Variants in PSTPIP1 observed in about 807,000 individuals in gnomAD.
PSTPIP1 encodes the protein proline-serine-threonine phosphatase-interacting protein 1.
In PSTPIP1, 66 loss-of-function variants were observed where a neutral mutation model predicts 69.6. The ratio of observed to expected loss-of-function variants is 0.95; its 90% CI spans 0.78 to 1.16. The LOEUF (loss-of-function observed/expected upper bound fraction) is 1.16. PSTPIP1 is among the 50% of genes most tolerant of loss of function. The pLI is 0.00. For synonymous variants in PSTPIP1, 266 were observed against 222.7 expected, an observed-to-expected ratio of 1.19 and a Z score of -1.73; for missense variants, 603 against 557.4, an observed-to-expected ratio of 1.08 and a Z score of -0.82.
At position 77,032,961 on chromosome 15, in the gene PSTPIP1, C is replaced by T. The variant is rs1284155822; in HGVS notation, c.929+9C>T. 1 of 1,590,878 alleles carries T rather than the reference C, an allele frequency of 6.3e-7. No individual in the cohort carries two copies. Among genetic ancestry groups the T allele is most frequent in the Non-Finnish European group, 8.6e-7 (1 of 1,168,880 alleles). ...TGCGGCATGATAAAGAGGTGAGGCCCCGACAGACGGAGGGAGGGCCTAAGG... is the reference window on the plus strand; with the variant it reads ...TGCGGCATGATAAAGAGGTGAGGCCTCGACAGACGGAGGGAGGGCCTAAGG... On this transcript the variant is annotated intron_variant, in intron 12 of 14. Transcript: ENST00000558012.
At chr15:77,029,700 A>G (rs1596118140) in intron 8 of PSTPIP1, 126 bp downstream of exon 8, 1 of 1,104,622 alleles carries the variant, frequency 9.1e-7, no homozygotes, top group Non-Finnish European at 1.3e-6. Flanking sequence ...CGGCGCTCTC[A>G]TTCCAGATAT....
rs999765828 is a variant in PSTPIP1 at position 77,036,024 on chromosome 15, C to G, written c.1119+89C>G. The G allele has an allele frequency of 9.8e-6, 14 of 1,427,838 alleles. No homozygotes were observed. In the African/African-American group the frequency reaches 2.0e-4, roughly 21 times the overall value. The allele number at this position is 1,427,838 out of a possible 1,614,324, so 88.4% of individuals were successfully genotyped here. ...CATCCAGTGCCTTGCGTCCTCATCT[C>G]TCCTCATGGTTTCACTCATCTTCGA... On this transcript the variant is annotated intron_variant, in intron 14 of 14. Transcript: ENST00000558012.
intron 3 of PSTPIP1, among the ~76,000 whole-genome samples, chr15:77,021,734 C>T (rs1179624051): frequency 6.6e-6 from 1 of 152,202 alleles, no homozygotes; most frequent in Non-Finnish European, 1.5e-5. Flanking sequence ...GCTGACATCA[C>T]ATGTCCAGCC....
In PSTPIP1 at chr15:77,025,624, C is replaced by T. The variant is rs184279306; in HGVS notation, c.354+20C>T. On this transcript the variant is annotated intron_variant, in intron 5 of 14. Transcript: ENST00000558012. ...AAGAAGGTGAGGCAGGTGCAGGGGG[C>T]GGGGGAGCTGCTCCCCCATTGCCAG... The T allele has an allele frequency of 5.5e-3, 7,707 of 1,406,326 alleles. 55 individuals carry two copies. The highest frequency in any genetic ancestry group is 0.035 in the Admixed American group (1,660 of 46,932). The allele number at this position is 1,406,326 out of a possible 1,614,324, so 87.1% of individuals were successfully genotyped here.
rs532474791 is a variant in PSTPIP1 at position 77,030,665 on chromosome 15, A to C, written c.642+84A>C. ...CTACTCCAGCTGCTTAAAGGGGCCCAAGTGAGGCAGTTGGGGAAGGTACCT... is the reference window on the plus strand; with the variant it reads ...CTACTCCAGCTGCTTAAAGGGGCCCCAGTGAGGCAGTTGGGGAAGGTACCT... On this transcript the variant is annotated intron_variant, in intron 9 of 14. Transcript: ENST00000558012. The C allele has an allele frequency of 2.0e-5, 27 of 1,354,796 alleles. 1 individual carries two copies. Among genetic ancestry groups the C allele is most frequent in the Middle Eastern group, 3.8e-4 (2 of 5,306 alleles). The allele number at this position is 1,354,796 out of a possible 1,614,324, so 83.9% of individuals were successfully genotyped here.
rs1447164350 is a variant in PSTPIP1 at position 77,016,015 on chromosome 15, C to G, written c.37-2133C>G. On this transcript the variant is annotated intron_variant, in intron 1 of 14. Transcript: ENST00000558012. ...GCCAGCGTAGGTTCGGTTTGCTTCT[C>G]TTTCCACTCTGGGGGCCTCCATAAG... 3 of 456,184 alleles carry G rather than the reference C, an allele frequency of 6.6e-6. No homozygotes were observed. The Admixed American group carries it at 7.0e-5, about 11-fold the overall frequency. 28.3% of individuals were successfully genotyped at this position (456,184 alleles called of 1,614,324 possible). A position where few individuals can be genotyped will look rare whatever the true frequency, so the allele number is the denominator to read the frequency against.
chr15:77,032,714 G>A (rs1479461226), intron 11 of PSTPIP1, 148 bp from the exon 12 acceptor site: 2 of 674,358 alleles, frequency 3.0e-6, no homozygotes, highest in East Asian at 5.5e-5. Flanking sequence ...TACCTACGGT[G>A]GGGTCTCTCA....
intron 10 of PSTPIP1, chr15:77,031,561 G>A (rs999250161): frequency 3.1e-5 from 10 of 325,932 alleles, no homozygotes; most frequent in Non-Finnish European, 4.7e-5. Flanking sequence ...CCCCTCTGCC[G>A]GGGATGGGAG....
At chr15:76,995,119 G>A (rs2075543648), upstream of PSTPIP1, 12 of 1,177,210 alleles carry the variant, frequency 1.0e-5, no homozygotes, top group Admixed American at 1.6e-4. Context: ...CCCGGGGGAG[G>A]TTGCACAAAC....
chr15:77,006,622 A>G lies in PSTPIP1; in HGVS notation c.36+11013A>G, dbSNP rs138576564. Among the ~76,000 whole-genome samples the G allele has an allele frequency of 2.9e-3, 438 of 152,310 alleles. 1 individual carries two copies. The highest frequency in any genetic ancestry group is 3.7e-3 in the Non-Finnish European group (254 of 68,022). ...CACTTCATCTTGAGTTAATTTTTGC[A>G]TATGGTATAAAGTAAGGGTCCAGCT... is the stretch of plus-strand genomic sequence containing the variant. On this transcript the variant is annotated intron_variant, in intron 1 of 14. Coordinates refer to ENST00000558012, the MANE Select transcript of PSTPIP1 (RefSeq NM_003978.5).
rs200214727 is a variant in PSTPIP1, at chr15:77,004,888, CAAAG to C, written c.36+9287_36+9290del. ...CAAACAAACAAACAAACAAAAAAAA[CAAAG>C]AAAGAAAAGAGAAGCAGAGAGCCAG... On this transcript the variant is annotated intron_variant, in intron 1 of 14. Transcript: ENST00000558012. 5.1e-3 allele frequency among the ~76,000 whole-genome samples: 775 copies of C among 150,876 alleles called. 1 individual carries two copies. Among genetic ancestry groups the C allele is most frequent in the African/African-American group, 0.01 (424 of 41,036 alleles).
chr15:77,012,540 T>C lies in PSTPIP1; in HGVS notation c.37-5608T>C, dbSNP rs146652446. 7.2e-5 allele frequency among the ~76,000 whole-genome samples: 11 copies of C among 152,030 alleles called. No individual in the cohort carries two copies. The East Asian group carries it at 2.1e-3, about 30-fold the overall frequency. On this transcript the variant is annotated intron_variant, in intron 1 of 14. Transcript: ENST00000558012. ...TTCCATCCATCCATTCATCCATCCATCCATCCATCAAGTTGTACCTGAGTG... is the reference window on the plus strand; with the variant it reads ...TTCCATCCATCCATTCATCCATCCACCCATCCATCAAGTTGTACCTGAGTG...
rs185140987 is a variant in PSTPIP1, at chr15:77,017,166, T to A, written c.37-982T>A. On this transcript the variant is annotated intron_variant, in intron 1 of 14. Coordinates refer to ENST00000558012, the MANE Select transcript of PSTPIP1 (RefSeq NM_003978.5). The stretch of plus-strand genomic sequence containing the variant: ...CAGTGCCTGGGAGAGCTCAGGGGGT[T>A]GTGGCGGGGATCCTGGCCCCGGGAC... Among the ~76,000 whole-genome samples the A allele has an allele frequency of 5.6e-3, 852 of 152,184 alleles. 5 individuals carry two copies. Among genetic ancestry groups the A allele is most frequent in the Non-Finnish European group, 7.3e-3 (496 of 67,992 alleles).
chr15:77,010,100 C>A (rs143856596), intron 1 of PSTPIP1, among the ~76,000 whole-genome samples: 2 of 152,134 alleles, frequency 1.3e-5, no homozygotes, highest in Non-Finnish European at 2.9e-5. Context: ...CATCAGTCAC[C>A]CCCAAGGGCC....
At position 77,035,886 on chromosome 15, in the gene PSTPIP1, C is replaced by T. The variant is rs755840747; in HGVS notation, c.1070C>T (p.Pro357Leu). 6.8e-6 allele frequency: 11 copies of T among 1,610,220 alleles called. No homozygotes were observed. Among genetic ancestry groups the T allele is most frequent in the Admixed American group, 1.7e-5 (1 of 59,872 alleles). Reference protein sequence around the residue: ...AIAVQEIQGNPASPAQEYRAL... With the variant: ...AIAVQEIQGNLASPAQEYRAL... ...GCAGTGCAGGAGATACAGGGAAACCCGGCCTCACCAGCCCAGGAGTACCGG... is the reference window on the plus strand; with the variant it reads ...GCAGTGCAGGAGATACAGGGAAACCTGGCCTCACCAGCCCAGGAGTACCGG... The change falls in exon 14 of 15, where the codon CCG becomes CTG. Residue 357 changes from proline (P) to leucine (L), a missense_variant. Transcript: ENST00000558012.
chr15:77,014,228 T>C (rs1361988604), intron 1 of PSTPIP1, among the ~76,000 whole-genome samples: 2 of 152,186 alleles, frequency 1.3e-5, no homozygotes, highest in East Asian at 3.9e-4. Context: ...AAAATGGTAG[T>C]CATCACCCCT....
At chr15:77,035,234 A>G (rs1172939664) in intron 12 of PSTPIP1, among the ~76,000 whole-genome samples, 2 of 152,156 alleles carry the variant, frequency 1.3e-5, no homozygotes, top group African/African-American at 2.4e-5. Flanking sequence ...GGATCCTCCC[A>G]AGGGCCCTGC....
chr15:77,022,871 C>T (rs998723345), intron 3 of PSTPIP1, among the ~76,000 whole-genome samples: 1 of 152,216 alleles, frequency 6.6e-6, no homozygotes, highest in Admixed American at 6.5e-5. Context: ...AGCCTGCCTG[C>T]CCAGGTACCC....
At chr15:77,033,623 C>T (rs1411864643) in intron 12 of PSTPIP1, among the ~76,000 whole-genome samples, 1 of 152,076 alleles carries the variant, frequency 6.6e-6, no homozygotes, top group Non-Finnish European at 1.5e-5. Flanking sequence ...TGCCTGTGCC[C>T]CCACCGCCAT....
Sources: allele counts gnomAD v4.1 joint callset (sites outside exome capture counted in the v4.1 genomes callset), GRCh38; gene constraint gnomAD v4.1.1; transcripts MANE v1.5; gene names NCBI Gene and HGNC (gene_info 2026-07-23, HGNC 2026-07-21).